C12orf42: variants seen among roughly 807,000 people sequenced by gnomAD.
C12orf42 encodes chromosome 12 open reading frame 42.
A neutral mutation model predicts 21.6 loss-of-function variants in C12orf42; 25 were observed. That is an observed-to-expected ratio of 1.16 (90% CI 0.84 to 1.62). The LOEUF is 1.62. Ranked by LOEUF, C12orf42 falls within the 40% of genes most tolerant of loss-of-function variation. The pLI is 0.00. For missense variants in C12orf42, 483 were observed against 459.3 expected (o/e 1.05, Z -0.47); for synonymous variants, 174 against 175.0 (o/e 0.99, Z 0.05).
chr12:103,156,864 C>T, the C12orf42 span, among the ~76,000 whole-genome samples: 1 of 152,054 alleles, frequency 6.6e-6, no homozygotes, highest in Non-Finnish European at 1.5e-5. Flanking sequence ...TTTTTTTATC[C>T]AGTCTATCAT....
chr12:103,123,640 A>T, the C12orf42 span, among the ~76,000 whole-genome samples: 1 of 152,152 alleles, frequency 6.6e-6, no homozygotes, highest in Admixed American at 6.6e-5. Flanking sequence ...GTGCACTTGA[A>T]AAATGGATTG....
chr12:103,294,595 A>G (rs190894997), intron 4 of C12orf42, among the ~76,000 whole-genome samples: 397 of 117,032 alleles, frequency 3.4e-3, no homozygotes, highest in African/African-American at 9.8e-3. Flanking sequence ...AAAGAAAGAA[A>G]GAAAGAAAGA....
the C12orf42 span, among the ~76,000 whole-genome samples, chr12:103,132,671 AG>A: frequency 2.0e-5 from 3 of 152,120 alleles, no homozygotes; most frequent in African/African-American, 4.8e-5. Context: ...GTCACCACCA[AG>A]GTTGGCTGCT....
chr12:103,180,524 T>C, the C12orf42 span, among the ~76,000 whole-genome samples: 1 of 151,856 alleles, frequency 6.6e-6, no homozygotes, highest in African/African-American at 2.4e-5. Flanking sequence ...GGTTGCTGTT[T>C]ATTGAAATGC....
chr12:103,066,823 C>T, the C12orf42 span, among the ~76,000 whole-genome samples: 2 of 152,340 alleles, frequency 1.3e-5, no homozygotes, highest in African/African-American at 2.4e-5. Context: ...TGTGAGTTCT[C>T]ACCAATGGGT....
the C12orf42 span, among the ~76,000 whole-genome samples, chr12:103,189,346 T>C: frequency 0.011 from 1,638 of 152,324 alleles, 25 homozygotes; most frequent in African/African-American, 0.037. Flanking sequence ...TCTCATGGGC[T>C]TTCATAAAAG....
At chr12:103,407,292 G>C (rs542983089) in intron 2 of C12orf42, among the ~76,000 whole-genome samples, 18 of 152,170 alleles carry the variant, frequency 1.2e-4, no homozygotes, top group African/African-American at 3.9e-4. Context: ...CCCTCAACTA[G>C]TATTCTGTTT....
At chr12:103,175,920 T>C in the C12orf42 span, among the ~76,000 whole-genome samples, 11 of 152,286 alleles carry the variant, frequency 7.2e-5, no homozygotes, top group Non-Finnish European at 1.3e-4. Flanking sequence ...TCCCCATGAT[T>C]AAGCTTTGAC....
At chr12:103,506,857 AT>A in the C12orf42 span, among the ~76,000 whole-genome samples, 4 of 77,018 alleles carry the variant, frequency 5.2e-5, no homozygotes, top group East Asian at 6.0e-4. Context: ...ATATTTATAT[AT>A]TATATATATA....
chr12:103,113,141 A>C, the C12orf42 span, among the ~76,000 whole-genome samples: 3 of 151,964 alleles, frequency 2.0e-5, no homozygotes, highest in Admixed American at 6.6e-5. Context: ...GAGATGGTGA[A>C]ATTTGTTCAG....
chr12:103,058,119 C>T, the C12orf42 span, among the ~76,000 whole-genome samples: 1 of 151,976 alleles, frequency 6.6e-6, no homozygotes, highest in East Asian at 1.9e-4. Flanking sequence ...CCAGGCCAAG[C>T]TAATTTTTGT....
intron 4 of C12orf42, among the ~76,000 whole-genome samples, chr12:103,350,966 A>G (rs1057045695): frequency 3.3e-5 from 5 of 152,064 alleles, no homozygotes; most frequent in African/African-American, 1.2e-4. Flanking sequence ...TGCTTTTCAG[A>G]TCCAGGTTTA....
At chr12:103,232,897 GTT>G (rs1175182835), downstream of C12orf42, among the ~76,000 whole-genome samples, 1 of 152,000 alleles carries the variant, frequency 6.6e-6, no homozygotes, top group African/African-American at 2.4e-5. Context: ...GAAGTTTTGA[GTT>G]TTTTTATTGA....
rs569651912 is a variant in C12orf42 at position 103,347,289 on chromosome 12, G to C, written c.259+21598C>G. Among the ~76,000 whole-genome samples, 4 of 151,524 alleles carry C rather than the reference G, an allele frequency of 2.6e-5. No individual in the cohort carries two copies. In the South Asian group the frequency reaches 8.3e-4, roughly 32 times the overall value. ...CTCATTGTTCAACTCCCACTTCTGA[G>C]TGAGAACATGCGGTGTTTGGTTTTC... is the stretch of plus-strand genomic sequence containing the variant. On this transcript the variant is annotated intron_variant, in intron 4 of 5. Transcript: ENST00000548883.
intron 10 of C12orf42, among the ~76,000 whole-genome samples, chr12:103,258,249 T>C (rs917608656): frequency 6.6e-6 from 1 of 152,120 alleles, no homozygotes; most frequent in Non-Finnish European, 1.5e-5. Context: ...TAAGTCTAAA[T>C]AATAGCTTAA....
intron 2 of C12orf42, among the ~76,000 whole-genome samples, chr12:103,438,843 T>A (rs1156469633): frequency 1.3e-5 from 2 of 151,020 alleles, no homozygotes; most frequent in Non-Finnish European, 3.0e-5. Context: ...CAAGGTAATT[T>A]ACAGATTCAA....
intron 2 of C12orf42, among the ~76,000 whole-genome samples, chr12:103,440,719 C>A (rs1467698343): frequency 1.3e-5 from 2 of 152,052 alleles, no homozygotes; most frequent in Admixed American, 6.6e-5. Flanking sequence ...CCAGATTGGC[C>A]TAACTCCATT....
At chr12:103,406,179 T>C (rs1346415653) in intron 2 of C12orf42, among the ~76,000 whole-genome samples, 1 of 152,210 alleles carries the variant, frequency 6.6e-6, no homozygotes, top group African/African-American at 2.4e-5. Flanking sequence ...TCTTACATTT[T>C]ACTGTACATC....
At chr12:103,501,221 A>G in the C12orf42 span, among the ~76,000 whole-genome samples, 2 of 152,230 alleles carry the variant, frequency 1.3e-5, no homozygotes, top group Non-Finnish European at 2.9e-5. Context: ...ATTTGGGTAA[A>G]TCAGCAGTAA....
Sources: allele counts gnomAD v4.1 joint callset (sites outside exome capture counted in the v4.1 genomes callset), GRCh38; gene constraint gnomAD v4.1.1; transcripts MANE v1.5; gene names NCBI Gene and HGNC (gene_info 2026-07-23, HGNC 2026-07-21).